SNX13: variants seen among roughly 807,000 people sequenced by gnomAD.
The protein encoded by SNX13 is sorting nexin-13.
Under a neutral mutation model 133.6 loss-of-function variants are expected in SNX13, and 45 were observed. That is an observed-to-expected ratio of 0.34 (90% CI 0.27 to 0.43). The LOEUF is 0.43. Ranked by LOEUF, SNX13 falls within the 20% of genes least tolerant of loss-of-function variation. The pLI, the probability that SNX13 is intolerant of heterozygous loss-of-function variation, is 1.00. For missense variants in SNX13, 1,032 were observed against 1,145.1 expected, an observed-to-expected ratio of 0.90 and a Z score of 1.43; for synonymous variants, 414 against 373.9, an observed-to-expected ratio of 1.11 and a Z score of -1.24.
At chr7:17,831,750 A>C (rs1788516029) in intron 15 of SNX13, 2 of 983,968 alleles carry the variant, frequency 2.0e-6, no homozygotes, top group Non-Finnish European at 1.2e-6. Flanking sequence ...AGTGCTCAGC[A>C]GCTTAATTTT....
chr7:17,870,233 G>A (rs546221635), intron 8 of SNX13, among the ~76,000 whole-genome samples: 1 of 152,150 alleles, frequency 6.6e-6, no homozygotes, highest in East Asian at 1.9e-4. Flanking sequence ...ACATAGTAAC[G>A]GCAAGAAAGT....
Position 17,799,165 on chromosome 7 carries a change from A to T in SNX13, c.2299-11T>A, listed in dbSNP as rs1784365857. 2 of 1,583,330 alleles carry T rather than the reference A, an allele frequency of 1.3e-6. No individual in the cohort carries two copies. The highest frequency in any genetic ancestry group is 1.7e-6 in the Non-Finnish European group (2 of 1,167,072). On this transcript the variant is annotated splice_polypyrimidine_tract_variant and intron_variant, in intron 22 of 25. Coordinates refer to ENST00000428135, the MANE Select transcript of SNX13 (RefSeq NM_015132.5). ...AATATTGTCATCCACCTGACAAAATATAAGAAATAAGAATAAGTTTGAGTT... is the reference window on the plus strand; with the variant it reads ...AATATTGTCATCCACCTGACAAAATTTAAGAAATAAGAATAAGTTTGAGTT...
chr7:17,877,590 T>C (rs1794867964), intron 5 of SNX13, among the ~76,000 whole-genome samples: 1 of 152,140 alleles, frequency 6.6e-6, no homozygotes, highest in South Asian at 2.1e-4. Context: ...TGTTTCATGC[T>C]ACAATGCTGT....
chr7:17,921,988 C>T (rs1800176519), intron 1 of SNX13, among the ~76,000 whole-genome samples: 1 of 152,228 alleles, frequency 6.6e-6, no homozygotes, highest in East Asian at 1.9e-4. Flanking sequence ...TTCACTACAA[C>T]TTCACTTTAG....
intron 20 of SNX13, among the ~76,000 whole-genome samples, chr7:17,808,092 T>C (rs1312665829): frequency 6.6e-6 from 1 of 152,016 alleles, no homozygotes; most frequent in Admixed American, 6.5e-5. Context: ...GGAACAAAAC[T>C]GGATGGAGAA....
At chr7:17,831,121 T>C (rs1465501269) in intron 15 of SNX13, 1 of 984,182 alleles carries the variant, frequency 1.0e-6, no homozygotes, top group Non-Finnish European at 1.2e-6. Flanking sequence ...CAAAGACAAG[T>C]CAAGTTAAAG....
At position 17,792,730 on chromosome 7, in the gene SNX13, A is replaced by G. The variant is rs1224877522; in HGVS notation, c.*1315T>C. On this transcript the variant is annotated 3_prime_UTR_variant, in exon 26 of 26. Transcript: ENST00000428135. ...GCTGACACACCCAAACCCTTAGGCA[A>G]TGAAAGTATTTAAAACTATGCAGAA... The G allele has an allele frequency of 6.6e-6, 1 of 152,352 alleles. No individual in the cohort carries two copies. The highest frequency in any genetic ancestry group is 2.4e-5 in the African/African-American group (1 of 41,412). The allele number at this position is 152,352 out of a possible 1,614,324, so 9.4% of individuals were successfully genotyped here.
In SNX13 at chr7:17,826,035, G is replaced by A. The variant is rs1283800740; in HGVS notation, c.1692C>T (p.Tyr564=). 5.8e-6 allele frequency: 9 copies of A among 1,551,834 alleles called. No individual in the cohort carries two copies. Among genetic ancestry groups the A allele is most frequent in the South Asian group, 1.2e-5 (1 of 81,554 alleles). ...AAACTCTCTTACCTGTGTCTGAAAT[G>A]TAGGCATGAAGTTGTACTGAGTCAT... The part of the protein sequence containing the change: ...SSDDSVQLHA[Y]ISDTGVCNDH... The change falls in exon 17 of 26, where the codon TAC becomes TAT. Residue 564 remains tyrosine (Y), a synonymous_variant. Coordinates refer to ENST00000428135, the MANE Select transcript of SNX13 (RefSeq NM_015132.5).
chr7:17,891,929 A>G (rs1583651191), intron 3 of SNX13, among the ~76,000 whole-genome samples: 1 of 152,134 alleles, frequency 6.6e-6, no homozygotes, highest in African/African-American at 2.4e-5. Context: ...CTACAACTAT[A>G]AAATTAGTGT....
intron 5 of SNX13, among the ~76,000 whole-genome samples, chr7:17,878,063 T>C (rs1794928106): frequency 6.6e-6 from 1 of 152,114 alleles, no homozygotes; most frequent in African/African-American, 2.4e-5. Context: ...AAATATGTAA[T>C]AAATGCAATG....
intron 5 of SNX13, chr7:17,880,744 A>C (rs954580884): frequency 3.9e-5 from 6 of 152,276 alleles, no homozygotes; most frequent in African/African-American, 1.4e-4. Flanking sequence ...ACAGAATAGG[A>C]ACCATTTCAA....
At chr7:17,938,302 C>A (rs977092569) in intron 1 of SNX13, among the ~76,000 whole-genome samples, 2 of 152,318 alleles carry the variant, frequency 1.3e-5, no homozygotes, top group Admixed American at 1.3e-4. Flanking sequence ...TGAGAGGCAG[C>A]TGAGCAAAAC....
chr7:17,885,296 A>AC (rs1169017765), intron 5 of SNX13, among the ~76,000 whole-genome samples: 1 of 105,370 alleles, frequency 9.5e-6, no homozygotes, highest in African/African-American at 4.0e-5. Context: ...ATCCATAGAG[A>AC]CAAAAAAAAA....
At position 17,940,454 on chromosome 7, in the gene SNX13, C is replaced by A. The variant is rs889100337; in HGVS notation, c.-159G>T. ...CTCGGCTTCGCTGGCCTCCCCTCGG[C>A]CCGGTCGCTCGCGACGGACGCGCCG... On this transcript the variant is annotated 5_prime_UTR_variant, in exon 1 of 26. Transcript: ENST00000428135. 2 of 805,054 alleles carry A rather than the reference C, an allele frequency of 2.5e-6. No homozygotes were observed. The highest frequency in any genetic ancestry group is 5.3e-5 in the East Asian group (2 of 37,660). The allele number at this position is 805,054 out of a possible 1,614,324, so 49.9% of individuals were successfully genotyped here.
rs79202193 is a variant in SNX13 at position 17,846,342 on chromosome 7, G to A, written c.1066-648C>T. Reference sequence around the variant, plus strand: ...TTACAGATATTACTTCATTTAATCCGCACAGCAATCCTGTTGGATATGTAT... The same window carrying A: ...TTACAGATATTACTTCATTTAATCCACACAGCAATCCTGTTGGATATGTAT... On this transcript the variant is annotated intron_variant, in intron 11 of 25. Transcript: ENST00000428135. Among the ~76,000 whole-genome samples the A allele has an allele frequency of 9.9e-3, 1,507 of 151,944 alleles. 14 individuals carry two copies. The highest frequency in any genetic ancestry group is 0.016 in the Non-Finnish European group (1,106 of 67,968).
intron 8 of SNX13, among the ~76,000 whole-genome samples, chr7:17,869,996 C>A (rs1182581353): frequency 6.6e-6 from 1 of 151,942 alleles, no homozygotes; most frequent in Admixed American, 6.6e-5. Flanking sequence ...TGCAATGAGT[C>A]GATTTGTATT....
intron 1 of SNX13, among the ~76,000 whole-genome samples, chr7:17,911,399 G>A (rs1798962548): frequency 6.6e-6 from 1 of 152,158 alleles, no homozygotes; most frequent in Admixed American, 6.5e-5. Flanking sequence ...AGAACTTTGG[G>A]AGGCTAAGGC....
chr7:17,930,581 G>A (rs1488352413), intron 1 of SNX13, among the ~76,000 whole-genome samples: 1 of 152,130 alleles, frequency 6.6e-6, no homozygotes, highest in East Asian at 1.9e-4. Flanking sequence ...CATTTTTAAT[G>A]CATCATAAAA....
At chr7:17,863,563 A>G (rs541228829) in intron 9 of SNX13, among the ~76,000 whole-genome samples, 2 of 152,242 alleles carry the variant, frequency 1.3e-5, no homozygotes, top group East Asian at 3.9e-4. Context: ...TTCTAGACCC[A>G]CCCTTGGCCA....
Sources: allele counts gnomAD v4.1 joint callset (sites outside exome capture counted in the v4.1 genomes callset), GRCh38; gene constraint gnomAD v4.1.1; transcripts MANE v1.5; gene names NCBI Gene and HGNC (gene_info 2026-07-23, HGNC 2026-07-21).